PDE11A: variants seen among roughly 807,000 people sequenced by gnomAD.
PDE11A encodes phosphodiesterase 11A.
Under a neutral mutation model 100.5 loss-of-function variants are expected in PDE11A, and 100 were observed. That is an observed-to-expected ratio of 1.00 (90% CI 0.85 to 1.18). The LOEUF is 1.18. Among genes scored for constraint, PDE11A ranks in the 50% most tolerant of loss-of-function variants. PDE11A has a pLI of 0.00. For missense variants in PDE11A, 1,141 were observed against 1,152.6 expected, an observed-to-expected ratio of 0.99 and a Z score of 0.15; for synonymous variants, 381 against 420.8, an observed-to-expected ratio of 0.91 and a Z score of 1.16.
intron 18 of PDE11A, among the ~76,000 whole-genome samples, chr2:177,668,255 G>A (rs1033058370): frequency 2.4e-4 from 36 of 152,244 alleles, no homozygotes; most frequent in African/African-American, 7.2e-4. Context: ...TTAATTAAAT[G>A]ACCTGTGGTA....
chr2:177,778,049 A>T (rs1235710060), intron 9 of PDE11A, among the ~76,000 whole-genome samples: 1 of 152,264 alleles, frequency 6.6e-6, no homozygotes, highest in African/African-American at 2.4e-5. Flanking sequence ...CCAGCAAAAC[A>T]ACAACAAAAA....
At chr2:177,852,308 TAGGAGCC>T (rs750215039) in intron 5 of PDE11A, among the ~76,000 whole-genome samples, 65 of 152,286 alleles carry the variant, frequency 4.3e-4, no homozygotes, top group Non-Finnish European at 8.1e-4. Context: ...CAGTGAGGGG[TAGGAGCC>T]AGAGAGGCAA....
At chr2:177,875,967 A>T (rs776101170) in intron 4 of PDE11A, 44 bp from the exon 5 acceptor site, 8 of 1,102,598 alleles carry the variant, frequency 7.3e-6, no homozygotes, top group Non-Finnish European at 1.1e-5. Context: ...TTAAAGCTTT[A>T]TTGCCGTTTA....
At chr2:177,836,049 G>A (rs1004029034) in intron 6 of PDE11A, among the ~76,000 whole-genome samples, 8 of 152,234 alleles carry the variant, frequency 5.3e-5, no homozygotes, top group Non-Finnish European at 7.3e-5. Context: ...AACAGCTGAT[G>A]AGTGTGGGCA....
At chr2:177,679,920 G>A (rs1032345055) in intron 16 of PDE11A, among the ~76,000 whole-genome samples, 1 of 152,062 alleles carries the variant, frequency 6.6e-6, no homozygotes, top group African/African-American at 2.4e-5. Context: ...GGCCTGTAAA[G>A]ATAATACAGA....
chr2:177,987,726 T>A (rs1472688846), intron 2 of PDE11A, among the ~76,000 whole-genome samples: 2 of 152,256 alleles, frequency 1.3e-5, no homozygotes, highest in African/African-American at 4.8e-5. Context: ...TCTTATAGAA[T>A]TTTAAAGAAT....
At chr2:178,107,781 G>T (rs928146421) in intron 1 of PDE11A, among the ~76,000 whole-genome samples, 1 of 149,970 alleles carries the variant, frequency 6.7e-6, no homozygotes, top group Admixed American at 6.6e-5. Context: ...GAGTGCCGTG[G>T]TGTGATCTCG....
chr2:177,632,258 G>T (rs893234041), intron 19 of PDE11A, among the ~76,000 whole-genome samples: 1 of 152,314 alleles, frequency 6.6e-6, no homozygotes, highest in Middle Eastern at 3.4e-3. Context: ...ATTCCAACCA[G>T]CTAGTAATTG....
chr2:178,104,417 GCA>G lies in PDE11A; in HGVS notation c.45_46del (p.Ala16HisfsTer21). 1 of 1,613,852 alleles carries G rather than the reference GCA, an allele frequency of 6.2e-7. No homozygotes were observed. On this transcript the variant is annotated frameshift_variant, in exon 2 of 21. Transcript: ENST00000358450. LOFTEE classifies it high-confidence loss of function. The stretch of plus-strand genomic sequence containing the variant: ...GATTTTCACCTTTTTCCACTGTGTG[GCA>G]CTGAGCACATTTCTGAATAAAGGTC...
At chr2:177,947,730 C>A (rs1271231122) in intron 2 of PDE11A, among the ~76,000 whole-genome samples, 1 of 150,670 alleles carries the variant, frequency 6.6e-6, no homozygotes, top group Non-Finnish European at 1.5e-5. Flanking sequence ...CCTGCCAAAT[C>A]CCCCTCTGTG....
chr2:178,082,414 T>C (rs980571056), intron 2 of PDE11A, among the ~76,000 whole-genome samples: 2 of 152,174 alleles, frequency 1.3e-5, no homozygotes, highest in Admixed American at 6.5e-5. Context: ...AAAAACCATA[T>C]GTCAACTAAA....
At chr2:178,030,907 G>A (rs1307514576) in intron 1 of PDE11A, among the ~76,000 whole-genome samples, 1 of 151,998 alleles carries the variant, frequency 6.6e-6, no homozygotes, top group East Asian at 1.9e-4. Context: ...GCTTATGAAT[G>A]GATATAGATG....
chr2:177,893,112 C>G (rs184569948), intron 4 of PDE11A, among the ~76,000 whole-genome samples: 3 of 152,212 alleles, frequency 2.0e-5, no homozygotes, highest in Admixed American at 2.0e-4. Flanking sequence ...TATTATTCTC[C>G]TCTCCACCTC....
intron 10 of PDE11A, among the ~76,000 whole-genome samples, chr2:177,767,119 C>T (rs1420602185): frequency 1.3e-5 from 2 of 152,164 alleles, no homozygotes; most frequent in Non-Finnish European, 2.9e-5. Context: ...ACCACAAGGT[C>T]AGGAGTTCGG....
chr2:177,890,294 T>A (rs531748429), intron 4 of PDE11A, among the ~76,000 whole-genome samples: 4 of 152,290 alleles, frequency 2.6e-5, no homozygotes, highest in African/African-American at 9.6e-5. Flanking sequence ...TCTGCAACTT[T>A]CCTTGTTCCA....
chr2:177,986,508 C>G (rs1394046154), intron 2 of PDE11A, among the ~76,000 whole-genome samples: 3 of 152,128 alleles, frequency 2.0e-5, no homozygotes, highest in African/African-American at 7.2e-5. Flanking sequence ...GCGTTTTACC[C>G]TCTGGTCCTT....
At position 178,042,378 on chromosome 2, in the gene PDE11A, G is replaced by A. The variant is rs561831105; in HGVS notation, c.913-27918C>T. Among the ~76,000 whole-genome samples the A allele has an allele frequency of 1.8e-4, 28 of 151,984 alleles. 1 individual carries two copies. In the East Asian group the frequency reaches 4.5e-3, roughly 24 times the overall value. On this transcript the variant is annotated intron_variant, in intron 1 of 19. Coordinates refer to ENST00000286063, the MANE Select transcript of PDE11A (RefSeq NM_016953.4). ...TTGTAGTCCCAGCTACTTAGGAAGCGGAGGCTGGAAGATGGCTTGAGTCCA... is the reference window on the plus strand; with the variant it reads ...TTGTAGTCCCAGCTACTTAGGAAGCAGAGGCTGGAAGATGGCTTGAGTCCA...
At chr2:177,985,955 T>C (rs984425097) in intron 2 of PDE11A, among the ~76,000 whole-genome samples, 1 of 152,136 alleles carries the variant, frequency 6.6e-6, no homozygotes, top group Non-Finnish European at 1.5e-5. Flanking sequence ...TAGAACAAGT[T>C]CTCTCAAATA....
Position 177,832,549 on chromosome 2 carries a change from A to ACATC in PDE11A, c.1500+7698_1500+7701dup, listed in dbSNP as rs756351123. 4.2e-4 allele frequency among the ~76,000 whole-genome samples: 56 copies of ACATC among 132,066 alleles called. 2 individuals carry two copies. Among genetic ancestry groups the ACATC allele is most frequent in the South Asian group, 2.6e-4 (1 of 3,916 alleles). 86.6% of individuals were successfully genotyped at this position (132,066 alleles called of 152,430 possible). ...TATGAGTTAATACTCCTTAATACTC[A>ACATC]CATCCATCTATCTATCTATCTATCT... On this transcript the variant is annotated intron_variant, in intron 6 of 19. Transcript: ENST00000286063.
Sources: allele counts gnomAD v4.1 joint callset (sites outside exome capture counted in the v4.1 genomes callset), GRCh38; gene constraint gnomAD v4.1.1; transcripts MANE v1.5; gene names NCBI Gene and HGNC (gene_info 2026-07-23, HGNC 2026-07-21).